RANBP17: variants seen among roughly 807,000 people sequenced by gnomAD.
RANBP17 encodes the protein ran-binding protein 17.
RANBP17 carries 158 observed loss-of-function variants against 141.2 expected under a neutral mutation model. The ratio of observed to expected loss-of-function variants is 1.12; its 90% CI spans 0.98 to 1.28. The LOEUF (loss-of-function observed/expected upper bound fraction) is 1.28. RANBP17 is among the 50% of genes most tolerant of loss of function. The pLI is 0.00. For synonymous variants in RANBP17, 430 were observed against 450.0 expected, an observed-to-expected ratio of 0.96 and a Z score of 0.56; for missense variants, 1,438 against 1,290.7, an observed-to-expected ratio of 1.11 and a Z score of -1.75.
At chr5:171,256,764 A>G (rs1765924152) in intron 24 of RANBP17, among the ~76,000 whole-genome samples, 2 of 152,170 alleles carry the variant, frequency 1.3e-5, no homozygotes, top group Admixed American at 6.5e-5. Flanking sequence ...ATCATCAGAG[A>G]CTATTATGAA....
chr5:171,232,034 T>C (rs1764235584), intron 22 of RANBP17, among the ~76,000 whole-genome samples: 1 of 152,188 alleles, frequency 6.6e-6, no homozygotes, highest in African/African-American at 2.4e-5. Flanking sequence ...TTATGGGAAA[T>C]ACAAATAATA....
chr5:171,169,431 A>G (rs765479955), intron 14 of RANBP17, among the ~76,000 whole-genome samples: 3 of 152,034 alleles, frequency 2.0e-5, no homozygotes, highest in Non-Finnish European at 4.4e-5. Context: ...GAAGTGGGAT[A>G]TGTGTTTATA....
chr5:171,124,419 A>T (rs983556356), intron 14 of RANBP17, among the ~76,000 whole-genome samples: 5 of 152,148 alleles, frequency 3.3e-5, no homozygotes, highest in Admixed American at 3.3e-4. Flanking sequence ...AAGAGATGGA[A>T]AAGTCATAGA....
chr5:171,053,898 TATATATATATATATATATATATATATA>T (rs1783147307), intron 14 of RANBP17, among the ~76,000 whole-genome samples: 2 of 133,928 alleles, frequency 1.5e-5, no homozygotes, highest in South Asian at 2.4e-4. Flanking sequence ...TATATATATA[TATATATATATATATATATATATATATA>T]ATTGCTGTAT....
intron 24 of RANBP17, among the ~76,000 whole-genome samples, chr5:171,249,003 A>G (rs1206844168): frequency 5.3e-5 from 8 of 152,184 alleles, no homozygotes; most frequent in Non-Finnish European, 2.9e-5. Context: ...GTGCCAGCCT[A>G]TACTACCCTG....
chr5:170,946,442 C>T (rs1036964227), intron 12 of RANBP17, among the ~76,000 whole-genome samples: 17 of 152,094 alleles, frequency 1.1e-4, no homozygotes, highest in African/African-American at 4.1e-4. Flanking sequence ...TATAACATAT[C>T]CTACACACAA....
At chr5:170,985,625 A>G (rs1778092704) in intron 14 of RANBP17, among the ~76,000 whole-genome samples, 1 of 152,144 alleles carries the variant, frequency 6.6e-6, no homozygotes, top group African/African-American at 2.4e-5. Flanking sequence ...GTATACAGGA[A>G]AACACACACG....
intron 14 of RANBP17, among the ~76,000 whole-genome samples, chr5:170,985,514 A>C (rs1326224727): frequency 6.6e-6 from 1 of 152,154 alleles, no homozygotes; most frequent in Non-Finnish European, 1.5e-5. Context: ...AATCTTCAAA[A>C]TTTTTGCTCT....
chr5:171,197,453 C>T (rs548319137), intron 18 of RANBP17, among the ~76,000 whole-genome samples: 8 of 152,148 alleles, frequency 5.3e-5, no homozygotes, highest in Admixed American at 3.3e-4. Flanking sequence ...AAATAATATA[C>T]GGTAAAGTCA....
chr5:170,876,901 A>G (rs2127345986), intron 1 of RANBP17, among the ~76,000 whole-genome samples: 1 of 152,306 alleles, frequency 6.6e-6, no homozygotes, highest in South Asian at 2.1e-4. Flanking sequence ...CCTACCTGAC[A>G]TTGAAATCTG....
At chr5:171,159,150 G>A (rs1156936105) in intron 14 of RANBP17, among the ~76,000 whole-genome samples, 1 of 152,144 alleles carries the variant, frequency 6.6e-6, no homozygotes, top group East Asian at 1.9e-4. Context: ...TTAAAAGCTT[G>A]TTTAGTGGCA....
At chr5:171,222,156 G>T (rs1763605900) in intron 22 of RANBP17, among the ~76,000 whole-genome samples, 1 of 152,162 alleles carries the variant, frequency 6.6e-6, no homozygotes, top group South Asian at 2.1e-4. Flanking sequence ...TTACATCAGG[G>T]AGTTTGCTAT....
intron 1 of RANBP17, among the ~76,000 whole-genome samples, chr5:170,864,868 A>G (rs1054670953): frequency 6.6e-6 from 1 of 152,220 alleles, no homozygotes; most frequent in African/African-American, 2.4e-5. Context: ...CCATTCTGGC[A>G]GTGTGGACTT....
intron 14 of RANBP17, among the ~76,000 whole-genome samples, chr5:171,135,197 T>G (rs2127796704): frequency 6.6e-6 from 1 of 151,394 alleles, no homozygotes; most frequent in South Asian, 2.1e-4. Flanking sequence ...GGAGAATCAG[T>G]TGAACCCAGG....
chr5:171,170,279 A>G (rs527506039), intron 15 of RANBP17, 76 bp downstream of exon 15: 29 of 599,300 alleles, frequency 4.8e-5, no homozygotes, highest in African/African-American at 4.3e-4. Context: ...TTGTATTTAA[A>G]CCTTTTTATA....
At chr5:171,128,867 C>G (rs947345051) in intron 14 of RANBP17, among the ~76,000 whole-genome samples, 4 of 152,130 alleles carry the variant, frequency 2.6e-5, no homozygotes, top group African/African-American at 9.7e-5. Flanking sequence ...AATGAAAACT[C>G]TGCCCTCTAC....
intron 14 of RANBP17, among the ~76,000 whole-genome samples, chr5:171,054,989 G>A (rs1236046519): frequency 6.6e-6 from 1 of 152,016 alleles, no homozygotes; most frequent in African/African-American, 2.4e-5. Flanking sequence ...GACAGAAGGT[G>A]GTATCTGGAA....
chr5:171,123,501 A>G (rs1055970045), intron 14 of RANBP17, among the ~76,000 whole-genome samples: 4 of 152,186 alleles, frequency 2.6e-5, no homozygotes, highest in East Asian at 3.8e-4. Flanking sequence ...TGTCATAGAC[A>G]TTGCCTAGAG....
intron 14 of RANBP17, among the ~76,000 whole-genome samples, chr5:171,142,848 A>G (rs1423814629): frequency 6.6e-6 from 1 of 152,236 alleles, no homozygotes; most frequent in African/African-American, 2.4e-5. Flanking sequence ...TGTCAATAAT[A>G]GCTAATGAAT....
Sources: allele counts gnomAD v4.1 joint callset (sites outside exome capture counted in the v4.1 genomes callset), GRCh38; gene constraint gnomAD v4.1.1; transcripts MANE v1.5; gene names NCBI Gene and HGNC (gene_info 2026-07-23, HGNC 2026-07-21).